Variants in GRIK2 observed in about 807,000 individuals in gnomAD.
The protein encoded by GRIK2 is glutamate ionotropic receptor kainate type subunit 2, also known as glutamate receptor ionotropic, kainate 2.
A neutral mutation model predicts 100.3 loss-of-function variants in GRIK2; 32 were observed. The observed-to-expected ratio is 0.32, with a 90% CI of 0.24 to 0.43. GRIK2 has a LOEUF of 0.43. Among genes scored for constraint, GRIK2 ranks in the 20% least tolerant of loss-of-function variants. The pLI is 1.00. For missense variants in GRIK2, 843 were observed against 1,114.9 expected (o/e 0.76, Z 3.47); for synonymous variants, 417 against 389.4 (o/e 1.07, Z -0.83).
intron 2 of GRIK2, among the ~76,000 whole-genome samples, chr6:101,493,453 G>T (rs1465050262): frequency 6.6e-6 from 1 of 152,004 alleles, no homozygotes. Context: ...TTAGTAAAAT[G>T]ATATCTTCAG....
At chr6:101,483,015 A>G (rs752092424) in intron 2 of GRIK2, among the ~76,000 whole-genome samples, 5 of 152,224 alleles carry the variant, frequency 3.3e-5, no homozygotes, top group African/African-American at 7.2e-5. Flanking sequence ...TTTGTATTCA[A>G]TGTGTACTTT....
chr6:101,395,412 C>T (rs1217905208), intron 1 of GRIK2, among the ~76,000 whole-genome samples: 2 of 152,142 alleles, frequency 1.3e-5, no homozygotes, highest in Non-Finnish European at 1.5e-5. Context: ...CATGTAAGAA[C>T]CTTTGAAACA....
At chr6:101,663,832 G>T (rs1025925835) in intron 4 of GRIK2, among the ~76,000 whole-genome samples, 7 of 152,142 alleles carry the variant, frequency 4.6e-5, no homozygotes, top group African/African-American at 1.7e-4. Context: ...TTCAGGCGAG[G>T]CTGCTTCAGT....
At chr6:101,891,537 A>AAAG in intron 12 of GRIK2, 3 of 373,550 alleles carry the variant, frequency 8.0e-6, no homozygotes, top group Admixed American at 3.5e-5. Context: ...AAAAAAAAAA[A>AAAG]GGTGGATTAT....
intron 7 of GRIK2, among the ~76,000 whole-genome samples, chr6:101,751,205 C>T (rs1423948389): frequency 6.6e-6 from 1 of 152,020 alleles, no homozygotes; most frequent in Non-Finnish European, 1.5e-5. Flanking sequence ...TCCAAAAGTG[C>T]TGGGATTTCA....
At chr6:102,038,540 G>A (rs1415418369) in intron 15 of GRIK2, among the ~76,000 whole-genome samples, 1 of 151,300 alleles carries the variant, frequency 6.6e-6, no homozygotes, top group Non-Finnish European at 1.5e-5. Context: ...TCTCAACTGG[G>A]AAATTAGCAT....
chr6:102,006,279 A>G (rs1795219517), intron 14 of GRIK2, among the ~76,000 whole-genome samples: 1 of 150,254 alleles, frequency 6.7e-6, no homozygotes, highest in South Asian at 2.1e-4. Flanking sequence ...TTCAATGAAA[A>G]TGAAGGAGGC....
At chr6:101,951,717 A>G (rs1418560134) in intron 14 of GRIK2, among the ~76,000 whole-genome samples, 1 of 152,132 alleles carries the variant, frequency 6.6e-6, no homozygotes, top group Non-Finnish European at 1.5e-5. Context: ...ATGAGATCTG[A>G]TGATTTTATA....
intron 7 of GRIK2, among the ~76,000 whole-genome samples, chr6:101,796,911 A>G (rs1025570344): frequency 6.6e-6 from 1 of 152,112 alleles, no homozygotes; most frequent in African/African-American, 2.4e-5. Context: ...ACAGATTTCA[A>G]AGAGTTTTAT....
intron 2 of GRIK2, among the ~76,000 whole-genome samples, chr6:101,542,437 C>A (rs909719131): frequency 6.6e-6 from 1 of 151,824 alleles, no homozygotes; most frequent in Non-Finnish European, 1.5e-5. Flanking sequence ...TCTAAAGATT[C>A]TTCTTTATCA....
At chr6:101,537,561 T>C (rs1477214705) in intron 2 of GRIK2, among the ~76,000 whole-genome samples, 4 of 151,634 alleles carry the variant, frequency 2.6e-5, no homozygotes, top group Non-Finnish European at 4.4e-5. Context: ...TATGTTCCAG[T>C]GTTTGTGGCC....
At chr6:101,955,544 C>A (rs28855984) in intron 14 of GRIK2, among the ~76,000 whole-genome samples, 10,138 of 150,688 alleles carry the variant, frequency 0.067, 424 homozygotes, top group Middle Eastern at 0.16. Flanking sequence ...CCCACACACC[C>A]AGAGTCCCAG....
chr6:101,765,697 A>G (rs1232812169), intron 7 of GRIK2, among the ~76,000 whole-genome samples: 1 of 152,162 alleles, frequency 6.6e-6, no homozygotes, highest in East Asian at 1.9e-4. Flanking sequence ...TTATGAAACC[A>G]ATGCCTCTCT....
At chr6:101,676,916 T>G in intron 5 of GRIK2, 112 bp downstream of exon 5, 1 of 593,720 alleles carries the variant, frequency 1.7e-6, no homozygotes, top group South Asian at 2.7e-5. Context: ...ATAACCTTGA[T>G]GTAATTTTAT....
chr6:101,802,478 A>T (rs1452863241), intron 9 of GRIK2, 40 bp downstream of exon 9: 6 of 820,672 alleles, frequency 7.3e-6, no homozygotes, highest in Non-Finnish European at 1.2e-5. Flanking sequence ...ACTAAATGAA[A>T]CATATCTCAA....
chr6:101,771,688 C>T (rs1240643111), intron 7 of GRIK2, among the ~76,000 whole-genome samples: 1 of 117,288 alleles, frequency 8.5e-6, no homozygotes, highest in Admixed American at 9.6e-5. Flanking sequence ...CCCCCTCCCC[C>T]CACCCCACAA....
chr6:101,747,620 T>C (rs1776499952), intron 7 of GRIK2, among the ~76,000 whole-genome samples: 1 of 152,216 alleles, frequency 6.6e-6, no homozygotes, highest in Non-Finnish European at 1.5e-5. Context: ...TCTTAATTTA[T>C]TGAGTCAATA....
At chr6:102,012,290 CT>C (rs1008432608) in intron 14 of GRIK2, among the ~76,000 whole-genome samples, 5 of 152,066 alleles carry the variant, frequency 3.3e-5, no homozygotes, top group African/African-American at 1.2e-4. Flanking sequence ...AGCCCTCTTA[CT>C]TTGTTCTTCC....
intron 11 of GRIK2, among the ~76,000 whole-genome samples, chr6:101,886,820 CTTTTTTTTTTTTTT>C (rs3054431): frequency 1.4e-5 from 1 of 73,310 alleles, no homozygotes; most frequent in African/African-American, 5.3e-5. Context: ...TTCTTTCTAC[CTTTTTTTTTTTTTT>C]TTTTTTTTTG....
Sources: allele counts gnomAD v4.1 joint callset (sites outside exome capture counted in the v4.1 genomes callset), GRCh38; gene constraint gnomAD v4.1.1; transcripts MANE v1.5; gene names NCBI Gene and HGNC (gene_info 2026-07-23, HGNC 2026-07-21).